The following TTC34 variants were observed in gnomAD, a reference collection of about 807,000 sequenced individuals.
TTC34 encodes the protein tetratricopeptide repeat domain 34, also known as tetratricopeptide repeat protein 34.
TTC34 carries 44 observed loss-of-function variants against 40.7 expected under a neutral mutation model. The observed-to-expected ratio is 1.08, with a 90% CI of 0.85 to 1.39. TTC34 has a LOEUF of 1.39. TTC34 is among the 40% of genes most tolerant of loss of function. The pLI is 0.00. For synonymous variants in TTC34, 422 were observed against 398.6 expected, an observed-to-expected ratio of 1.06 and a Z score of -0.70; for missense variants, 884 against 838.0, an observed-to-expected ratio of 1.05 and a Z score of -0.68.
intron 6 of TTC34, among the ~76,000 whole-genome samples, chr1:2,764,123 C>G (rs1641719014): frequency 6.9e-6 from 1 of 145,100 alleles, no homozygotes; most frequent in African/African-American, 2.6e-5. Flanking sequence ...ATCTGACAGC[C>G]TGGAACAGAA....
intron 6 of TTC34, among the ~76,000 whole-genome samples, chr1:2,675,625 CTGG>C (rs1557600318): frequency 1.6e-5 from 2 of 128,982 alleles, no homozygotes; most frequent in African/African-American, 2.8e-5. Flanking sequence ...ATCGGACAGC[CTGG>C]AGCAGCACCC....
intron 6 of TTC34, among the ~76,000 whole-genome samples, chr1:2,751,781 A>C (rs1248788928): frequency 7.5e-6 from 1 of 133,086 alleles, no homozygotes; most frequent in African/African-American, 3.2e-5. Flanking sequence ...ACAGGTGAGC[A>C]TCTGACAGCC....
At chr1:2,696,353 C>G (rs888040972) in intron 6 of TTC34, among the ~76,000 whole-genome samples, 107 of 47,020 alleles carry the variant, frequency 2.3e-3, no homozygotes, top group South Asian at 3.3e-3. Flanking sequence ...GAACAGCACC[C>G]ACACCCCCAG....
intron 6 of TTC34, among the ~76,000 whole-genome samples, chr1:2,694,520 A>G (rs368596414): frequency 0.54 from 11,021 of 20,506 alleles, 1,969 homozygotes; most frequent in Non-Finnish European, 0.57. Context: ...CCCCAGGTGA[A>G]CATCCGACAT....
intron 8 of TTC34, 136 bp from the exon 9 acceptor site, chr1:2,642,031 G>A: frequency 2.0e-6 from 2 of 997,430 alleles, no homozygotes. Context: ...GGGCTGCACA[G>A]GAGCTGCCCG....
At chr1:2,677,616 G>A (rs1570792760) in intron 6 of TTC34, among the ~76,000 whole-genome samples, 1 of 151,548 alleles carries the variant, frequency 6.6e-6, no homozygotes, top group African/African-American at 2.4e-5. Flanking sequence ...TGCCCCCCCA[G>A]GTGAGCATCT....
chr1:2,791,308 G>A (rs1166966056), intron 2 of TTC34, among the ~76,000 whole-genome samples: 1 of 152,194 alleles, frequency 6.6e-6, no homozygotes, highest in East Asian at 1.9e-4. Context: ...ATTTTCACAG[G>A]TTACGAAGGT....
At position 2,783,644 on chromosome 1, in the gene TTC34, G is replaced by A. The variant is rs551740211; in HGVS notation, c.2191C>T (p.Arg731Trp). Residue 731 changes from arginine to tryptophan, a missense_variant, in exon 6 of 9, where the codon CGG becomes TGG. Arg to Trp is a moderately radical substitution (Grantham distance 101, BLOSUM62 -3). Coordinates refer to ENST00000401095, the Ensembl canonical transcript of TTC34. ...TCTAGGGCCAGGTGCACCAACGCCCGTCCACACAGTGCCTGCACGTTCCCC... is the reference window on the plus strand; with the variant it reads ...TCTAGGGCCAGGTGCACCAACGCCCATCCACACAGTGCCTGCACGTTCCCC... 76 of 1,478,722 alleles carry A rather than the reference G, an allele frequency of 5.1e-5. No homozygotes were observed. Among genetic ancestry groups the A allele is most frequent in the Admixed American group, 1.1e-4 (5 of 46,334 alleles). 91.6% of individuals were successfully genotyped at this position (1,478,722 alleles called of 1,614,324 possible). A position where few individuals can be genotyped will look rare whatever the true frequency, so the allele number is the denominator to read the frequency against.
Position 2,750,414 on chromosome 1 carries a change from C to T in TTC34, c.2226+33195G>A, listed in dbSNP as rs1337831595. Among the ~76,000 whole-genome samples the T allele has an allele frequency of 6.2e-5, 3 of 48,468 alleles. 1 individual carries two copies. The highest frequency in any genetic ancestry group is 2.5e-4 in the Admixed American group (1 of 3,998). 31.8% of individuals were successfully genotyped at this position (48,468 alleles called of 152,430 possible). ...GGAACAGCACGCACACCCCCAGGTG[C>T]GCACGTGACAGCCTGTAACAGCACC... is the stretch of plus-strand genomic sequence containing the variant. On this transcript the variant is annotated intron_variant, in intron 6 of 8. Coordinates refer to ENST00000401095, the Ensembl canonical transcript of TTC34.
At position 2,645,464 on chromosome 1, in the gene TTC34, G is replaced by C. The variant is rs935338641; in HGVS notation, c.2326C>G (p.Gln776Glu). 1.9e-5 allele frequency: 29 copies of C among 1,534,698 alleles called. No individual in the cohort carries two copies. The African/African-American group carries it at 3.7e-4, about 20-fold the overall frequency. ...GCCCGGCAGTGGGAGTAGAGGCCCTGTGTGATGAGGGCCTGGGCTTCCGGC... is the reference window on the plus strand; with the variant it reads ...GCCCGGCAGTGGGAGTAGAGGCCCTCTGTGATGAGGGCCTGGGCTTCCGGC... Residue 776 changes from glutamine to glutamate, a missense_variant, in exon 7 of 9, where the codon CAG becomes GAG. By Grantham distance (29) the Gln-to-Glu change is conservative (BLOSUM62 2). Coordinates refer to ENST00000401095, the Ensembl canonical transcript of TTC34. This position sits in a 1 kb window ranked among gnomAD's most constrained non-coding sequence, Gnocchi z 4.7.
chr1:2,645,635 A>C lies in TTC34; in HGVS notation c.2227-72T>G. ...AAACTGGGCAGAGGGTCAGAGTAGG[A>C]GGACTGGCTCTGTCTTTCTCATTCC... On this transcript the variant is annotated intron_variant, in intron 6 of 8. Transcript: ENST00000401095. This position sits in a 1 kb window ranked among gnomAD's most constrained non-coding sequence, Gnocchi z 4.7. 7.2e-7 allele frequency: 1 copy of C among 1,387,088 alleles called. No individual in the cohort carries two copies. The highest frequency in any genetic ancestry group is 9.4e-7 in the Non-Finnish European group (1 of 1,061,246). 85.9% of individuals were successfully genotyped at this position (1,387,088 alleles called of 1,614,324 possible). A position where few individuals can be genotyped will look rare whatever the true frequency, so the allele number is the denominator to read the frequency against.
At chr1:2,788,016 T>G (rs754587457) in intron 3 of TTC34, among the ~76,000 whole-genome samples, 2 of 152,316 alleles carry the variant, frequency 1.3e-5, no homozygotes, top group African/African-American at 2.4e-5. Context: ...GACGAACAAT[T>G]TGGCCTTGCT....
chr1:2,799,713 G>A (rs1266098217), intron 2 of TTC34, among the ~76,000 whole-genome samples: 1 of 152,106 alleles, frequency 6.6e-6, no homozygotes, highest in African/African-American at 2.4e-5. Context: ...CCCCTCAGTG[G>A]CAGGGGGAGC....
chr1:2,769,745 C>G (rs569997396), intron 6 of TTC34, among the ~76,000 whole-genome samples: 1 of 148,916 alleles, frequency 6.7e-6, no homozygotes, highest in South Asian at 2.1e-4. Context: ...TGGAGCAGCG[C>G]CCACACCCCC....
At chr1:2,694,758 G>T (rs1203203620) in intron 6 of TTC34, among the ~76,000 whole-genome samples, 2 of 79,388 alleles carry the variant, frequency 2.5e-5, no homozygotes, top group African/African-American at 4.1e-5. Context: ...AAACCCACAG[G>T]TGAGCATCCG....
intron 6 of TTC34, among the ~76,000 whole-genome samples, chr1:2,783,346 C>T (rs145552599): frequency 1.3e-5 from 2 of 152,344 alleles, no homozygotes; most frequent in Non-Finnish European, 2.9e-5. Context: ...GGGGAGGACC[C>T]CTAGTACCTC....
At chr1:2,682,145 C>A (rs1247373941) in intron 6 of TTC34, among the ~76,000 whole-genome samples, 3 of 127,910 alleles carry the variant, frequency 2.3e-5, no homozygotes, top group Non-Finnish European at 3.4e-5. Flanking sequence ...CAGCACCCTG[C>A]ACCCCCAGGT....
chr1:2,759,655 G>C (rs1641627198), intron 6 of TTC34, among the ~76,000 whole-genome samples: 3 of 151,466 alleles, frequency 2.0e-5, no homozygotes, highest in Non-Finnish European at 4.4e-5. Flanking sequence ...GTGAGCATTC[G>C]ACAGCCTGGA....
At chr1:2,773,051 CG>C (rs1642533650) in intron 6 of TTC34, among the ~76,000 whole-genome samples, 4 of 148,490 alleles carry the variant, frequency 2.7e-5, no homozygotes, top group Non-Finnish European at 4.5e-5. Flanking sequence ...TGGAGCAGCA[CG>C]CACACCCCCA....
Sources: allele counts gnomAD v4.1 joint callset (sites outside exome capture counted in the v4.1 genomes callset), GRCh38; gene constraint gnomAD v4.1.1; non-coding constraint Gnocchi (gnomAD v3.1); transcripts MANE v1.5; gene names NCBI Gene and HGNC (gene_info 2026-07-23, HGNC 2026-07-21).